Variants in LINGO1 observed in about 807,000 individuals in gnomAD.
LINGO1 encodes leucine-rich repeat and immunoglobulin-like domain-containing nogo receptor-interacting protein 1.
A neutral mutation model predicts 37.3 loss-of-function variants in LINGO1; 11 were observed. The observed-to-expected ratio is 0.29, with a 90% confidence interval of 0.19 to 0.49. The LOEUF (loss-of-function observed/expected upper bound fraction) is 0.49, where lower values mean the gene tolerates loss of function less well. LINGO1 is among the 20% of genes least tolerant of loss of function. The probability of loss-of-function intolerance (pLI) is 0.99; values close to 1 mark genes in which losing one functional copy is unlikely to be tolerated. For synonymous variants in LINGO1, 387 were observed against 403.0 expected (o/e 0.96, Z 0.48); for missense variants, 585 against 878.2 (o/e 0.67, Z 4.22).
chr15:77,683,331 C>A (rs940528161), intron 2 of LINGO1, among the ~76,000 whole-genome samples: 1 of 152,196 alleles, frequency 6.6e-6, no homozygotes, highest in Admixed American at 6.5e-5. Context: ...ACTGAGCAAG[C>A]AGACCCTTCA....
At chr15:77,808,286 G>A (rs1302319399) in intron 1 of LINGO1, among the ~76,000 whole-genome samples, 1 of 152,206 alleles carries the variant, frequency 6.6e-6, no homozygotes, top group Non-Finnish European at 1.5e-5. Flanking sequence ...ACACTGCCCT[G>A]ACTGTCCTCT....
upstream of LINGO1, among the ~76,000 whole-genome samples, chr15:77,697,255 G>C (rs887530015): frequency 4.6e-5 from 7 of 152,234 alleles, no homozygotes; most frequent in South Asian, 1.4e-3. Context: ...GATGGTGGCA[G>C]GGTGGGGATC....
intron 2 of LINGO1, among the ~76,000 whole-genome samples, chr15:77,688,706 T>A (rs1567523085): frequency 6.6e-6 from 1 of 152,146 alleles, no homozygotes; most frequent in Non-Finnish European, 1.5e-5. Context: ...CCAAAAGAAT[T>A]GGAGGCTGCT....
intron 1 of LINGO1, among the ~76,000 whole-genome samples, chr15:77,624,066 G>A (rs1248067691): frequency 4.0e-5 from 6 of 149,918 alleles, no homozygotes; most frequent in African/African-American, 1.5e-4. Context: ...TGCGGTGTGT[G>A]AGTGTGGCCT....
intron 1 of LINGO1, among the ~76,000 whole-genome samples, chr15:77,751,908 C>G (rs1188570655): frequency 6.6e-6 from 1 of 152,282 alleles, no homozygotes; most frequent in Middle Eastern, 3.4e-3. Flanking sequence ...TTTCCCAAGT[C>G]CCCCCTGTGT....
upstream of LINGO1, among the ~76,000 whole-genome samples, chr15:77,699,081 G>A (rs896861549): frequency 1.3e-5 from 2 of 152,066 alleles, no homozygotes; most frequent in African/African-American, 4.8e-5. Flanking sequence ...GCTCACTCAC[G>A]CTGCCACGAC....
intron 2 of LINGO1, among the ~76,000 whole-genome samples, chr15:77,687,112 G>C (rs1420313882): frequency 6.6e-6 from 1 of 152,244 alleles, no homozygotes; most frequent in East Asian, 1.9e-4. Flanking sequence ...CCAGGATCAA[G>C]GTTAAGTCTG....
At chr15:77,768,313 T>G (rs1027247696) in intron 1 of LINGO1, among the ~76,000 whole-genome samples, 2 of 152,186 alleles carry the variant, frequency 1.3e-5, no homozygotes, top group Non-Finnish European at 2.9e-5. Context: ...TCCTCCCTGA[T>G]TAGCGCCTCC....
At chr15:77,789,452 C>T (rs72730730), upstream of LINGO1, among the ~76,000 whole-genome samples, 29,503 of 151,870 alleles carry the variant, frequency 0.19, 3,185 homozygotes, top group Admixed American at 0.33. Context: ...ACTAAAAATA[C>T]AAAAATTAGC....
chr15:77,802,465 G>A (rs3935182), intron 1 of LINGO1, among the ~76,000 whole-genome samples: 5 of 151,818 alleles, frequency 3.3e-5, no homozygotes, highest in African/African-American at 1.2e-4. Context: ...AGGCAGCCAG[G>A]AGGCCTGCAG....
intron 3 of LINGO1, among the ~76,000 whole-genome samples, chr15:77,647,148 A>G (rs963739900): frequency 1.3e-5 from 2 of 151,374 alleles, no homozygotes; most frequent in Non-Finnish European, 2.9e-5. Flanking sequence ...GTTTACACGC[A>G]CTCCCACTGA....
chr15:77,646,424 G>A, intron 3 of LINGO1: 2 of 455,778 alleles, frequency 4.4e-6, no homozygotes, highest in Non-Finnish European at 8.8e-6. Context: ...ACGGCTAGGG[G>A]GCAGGGAAGG....
At chr15:77,790,379 G>A (rs554903318), upstream of LINGO1, among the ~76,000 whole-genome samples, 1 of 152,346 alleles carries the variant, frequency 6.6e-6, no homozygotes, top group Non-Finnish European at 1.5e-5. Flanking sequence ...CTGTGATAAG[G>A]AGGAGATGGG....
chr15:77,675,993 G>A (rs1197214010), intron 3 of LINGO1, among the ~76,000 whole-genome samples: 2 of 152,192 alleles, frequency 1.3e-5, no homozygotes, highest in Non-Finnish European at 2.9e-5. Context: ...CTGTTCACAG[G>A]CACAAAGGCC....
chr15:77,622,257 C>G (rs999268468), intron 1 of LINGO1, among the ~76,000 whole-genome samples: 1 of 150,754 alleles, frequency 6.6e-6, no homozygotes, highest in Non-Finnish European at 1.5e-5. Flanking sequence ...GTGGGTGAGG[C>G]TGCAGAGGAG....
chr15:77,664,130 AGTGTGTGTGTGTGTGT>A (rs774494605), intron 3 of LINGO1, among the ~76,000 whole-genome samples: 4 of 130,372 alleles, frequency 3.1e-5, no homozygotes, highest in Admixed American at 7.4e-5. Context: ...ACACAGGAGC[AGTGTGTGTGTGTGTGT>A]GTGTGTGTGT....
At chr15:77,662,621 C>T (rs540907069) in intron 3 of LINGO1, among the ~76,000 whole-genome samples, 1 of 152,320 alleles carries the variant, frequency 6.6e-6, no homozygotes, top group African/African-American at 2.4e-5. Context: ...GGGGTCTCTA[C>T]TCCATGAAGG....
intron 1 of LINGO1, among the ~76,000 whole-genome samples, chr15:77,631,202 G>A (rs923203255): frequency 1.3e-5 from 2 of 152,242 alleles, no homozygotes; most frequent in African/African-American, 4.8e-5. Flanking sequence ...CGCGGGCCAG[G>A]CTGGGCTATG....
intron 1 of LINGO1, among the ~76,000 whole-genome samples, chr15:77,779,552 C>T (rs4886909): frequency 3.3e-5 from 5 of 152,078 alleles, no homozygotes; most frequent in African/African-American, 9.7e-5. Flanking sequence ...TTAGATTCTC[C>T]TAAGGAGAGT....
Sources: allele counts gnomAD v4.1 joint callset (sites outside exome capture counted in the v4.1 genomes callset), GRCh38; gene constraint gnomAD v4.1.1; transcripts MANE v1.5; gene names NCBI Gene and HGNC (gene_info 2026-07-23, HGNC 2026-07-21).